The following TMEM39A variants were observed in gnomAD, a reference collection of about 807,000 sequenced individuals.
TMEM39A encodes suppressor of SQST-1 aggregates in rpl-43 mutants.
A neutral mutation model predicts 51.9 loss-of-function variants in TMEM39A; 19 were observed. The ratio of observed to expected loss-of-function variants is 0.37; its 90% CI spans 0.26 to 0.54. The LOEUF is 0.54. Ranked by LOEUF, TMEM39A falls within the 20% of genes least tolerant of loss-of-function variation. The probability of loss-of-function intolerance (pLI) is 0.88; values close to 1 mark genes in which losing one functional copy is unlikely to be tolerated. For synonymous variants in TMEM39A, 197 were observed against 220.2 expected (o/e 0.89, Z 0.93); for missense variants, 433 against 590.5 (o/e 0.73, Z 2.76).
intron 4 of TMEM39A, among the ~76,000 whole-genome samples, chr3:119,449,765 T>G (rs1412132930): frequency 6.6e-6 from 1 of 151,908 alleles, no homozygotes; most frequent in Non-Finnish European, 1.5e-5. Context: ...AAAAAGAGAG[T>G]TGCTTCAGGT....
chr3:119,453,508 C>A (rs555164359), intron 3 of TMEM39A, among the ~76,000 whole-genome samples: 1 of 152,362 alleles, frequency 6.6e-6, no homozygotes, highest in Non-Finnish European at 1.5e-5. Flanking sequence ...CTTGCAAAAA[C>A]TACTTTTAGC....
chr3:119,434,138 T>C (rs1439197911), intron 8 of TMEM39A, among the ~76,000 whole-genome samples: 1 of 152,188 alleles, frequency 6.6e-6, no homozygotes, highest in Non-Finnish European at 1.5e-5. Flanking sequence ...CTTTCTTTTA[T>C]AAGTATATAC....
At chr3:119,438,981 T>C (rs952136271) in intron 5 of TMEM39A, among the ~76,000 whole-genome samples, 1 of 152,206 alleles carries the variant, frequency 6.6e-6, no homozygotes, top group African/African-American at 2.4e-5. Context: ...CGTAATTAAT[T>C]CACTGCTGTA....
At chr3:119,457,438 T>C (rs1162115895) in intron 3 of TMEM39A, among the ~76,000 whole-genome samples, 1 of 152,204 alleles carries the variant, frequency 6.6e-6, no homozygotes, top group African/African-American at 2.4e-5. Context: ...CTCTTGTAAT[T>C]AGGAGTGGAC....
At chr3:119,461,267 T>C (rs769482126) in intron 2 of TMEM39A, among the ~76,000 whole-genome samples, 4 of 151,828 alleles carry the variant, frequency 2.6e-5, no homozygotes, top group Non-Finnish European at 5.9e-5. Flanking sequence ...TTTTAAAGAT[T>C]GGGTGGAAGA....
intron 2 of TMEM39A, 138 bp from the exon 3 acceptor site, chr3:119,458,378 C>G (rs921673239): frequency 1.5e-6 from 1 of 673,928 alleles, no homozygotes; most frequent in Non-Finnish European, 2.5e-6. Flanking sequence ...ATCCTCTTTT[C>G]TCCCTCCACA....
chr3:119,447,682 T>C (rs2081146269), intron 4 of TMEM39A, among the ~76,000 whole-genome samples: 1 of 152,152 alleles, frequency 6.6e-6, no homozygotes, highest in African/African-American at 2.4e-5. Context: ...TGGAGTGCAG[T>C]GGCACAATCT....
chr3:119,436,829 C>A lies in TMEM39A; in HGVS notation c.1074G>T (p.Lys358Asn). 1 of 1,613,970 alleles carries A rather than the reference C, an allele frequency of 6.2e-7. No homozygotes were observed. The highest frequency in any genetic ancestry group is 8.5e-7 in the Non-Finnish European group (1 of 1,179,892). The change falls in exon 7 of 9, where the codon AAG (lysine) becomes AAT (asparagine). Residue 358 changes from lysine (K) to asparagine (N), a missense_variant. By Grantham distance (94) the Lys-to-Asn change is moderately conservative. Around this residue, in one of 3 missense-constraint regions of TMEM39A, gnomAD observed 223 missense variants for 328.1 expected, o/e 0.68. Transcript: ENST00000319172. Reference sequence around the variant, plus strand: ...CATTGCTGTAGGACCCATGTTCCAACTTCTGCCACTTGCCCAGGTGAGCAG... The same window carrying A: ...CATTGCTGTAGGACCCATGTTCCAAATTCTGCCACTTGCCCAGGTGAGCAG... ...KSAAHLGKWQ[K>N]LEHGSYSNAP...
chr3:119,430,801 A>T lies in TMEM39A; in HGVS notation c.*1180T>A, dbSNP rs900485928. ...ACGACATGATTGGTCTTTTTACTTC[A>T]TAAGTCTTATTTTGTTTCACCAAAA... On this transcript the variant is annotated 3_prime_UTR_variant, in exon 9 of 9. Transcript: ENST00000319172. 1 of 152,116 alleles carries T rather than the reference A, an allele frequency of 6.6e-6. No homozygotes were observed. Among genetic ancestry groups the T allele is most frequent in the African/African-American group, 2.4e-5 (1 of 41,432 alleles). The allele number at this position is 152,116 out of a possible 1,614,324, so 9.4% of individuals were successfully genotyped here.
intron 3 of TMEM39A, among the ~76,000 whole-genome samples, chr3:119,454,540 C>A (rs1026315433): frequency 1.3e-5 from 2 of 152,212 alleles, no homozygotes; most frequent in Middle Eastern, 3.4e-3. Context: ...GCCTGTAATC[C>A]CAGTAATTTG....
intron 3 of TMEM39A, among the ~76,000 whole-genome samples, chr3:119,454,825 T>TTTC (rs2081244413): frequency 6.6e-6 from 1 of 152,154 alleles, no homozygotes; most frequent in Non-Finnish European, 1.5e-5. Context: ...CTAATACATC[T>TTTC]TTTTGTTAAG....
intron 4 of TMEM39A, among the ~76,000 whole-genome samples, chr3:119,449,995 G>T (rs1023555772): frequency 2.0e-5 from 3 of 152,132 alleles, no homozygotes; most frequent in African/African-American, 7.2e-5. Flanking sequence ...GATCCTTTCT[G>T]TGATATATGC....
At chr3:119,441,167 A>G (rs563440947) in intron 5 of TMEM39A, among the ~76,000 whole-genome samples, 68 of 152,308 alleles carry the variant, frequency 4.5e-4, no homozygotes, top group African/African-American at 1.6e-3. Flanking sequence ...AATAAGGCCA[A>G]CTAATAACCC....
rs115622709 is a variant in TMEM39A at position 119,456,787 on chromosome 3, G to A, written c.336+1231C>T. ...GCCCAGTTAATTTTGTTTATTTTTT[G>A]TAGAGACAAGGTCTCACTATGTTGC... On this transcript the variant is annotated intron_variant, in intron 3 of 8. Coordinates refer to ENST00000319172, the MANE Select transcript of TMEM39A (RefSeq NM_018266.3). Among the ~76,000 whole-genome samples, 432 of 152,236 alleles carry A rather than the reference G, an allele frequency of 2.8e-3. 2 individuals are homozygous for A. The highest frequency in any genetic ancestry group is 9.9e-3 in the African/African-American group (410 of 41,532).
rs758397001 is a variant in TMEM39A, at chr3:119,432,015, T to C, written c.1433A>G (p.Tyr478Cys). 2 of 1,612,438 alleles carry C rather than the reference T, an allele frequency of 1.2e-6. No homozygotes were observed. Among genetic ancestry groups the C allele is most frequent in the East Asian group, 4.5e-5 (2 of 44,850 alleles). Reference protein sequence around the residue: ...DRIVLGRAYSYPLNSYELKAN With the variant: ...DRIVLGRAYSCPLNSYELKAN ...CTTGAGTTCATAACTGTTGAGTGGG[T>C]AGGAGTATGCCCTGCCTAATACTAT... is the stretch of plus-strand genomic sequence containing the variant. The change falls in exon 9 of 9, where the codon TAC becomes TGC. Residue 478 changes from tyrosine to cysteine, a missense_variant. Transcript: ENST00000319172.
chr3:119,452,021 C>T (rs1453036745), intron 4 of TMEM39A, among the ~76,000 whole-genome samples: 1 of 152,000 alleles, frequency 6.6e-6, no homozygotes, highest in East Asian at 1.9e-4. Context: ...TTCTAAGAAA[C>T]TCAAATAAAT....
rs1383036971 is a variant in TMEM39A, at chr3:119,462,016, G to C, written c.59C>G (p.Ser20Cys). ...GCCTCCACCAACCAAAGTCTGCAAAGAAGGTAAAGCTGAACGGCTTAGCTG... is the reference window on the plus strand; with the variant it reads ...GCCTCCACCAACCAAAGTCTGCAAACAAGGTAAAGCTGAACGGCTTAGCTG... ...RQQLSRSALP[S>C]LQTLVGGGCG... Residue 20 changes from serine (S) to cysteine (C), a missense_variant, in exon 2 of 9, where the codon TCT becomes TGT. Ser to Cys is a moderately radical substitution (Grantham distance 112). Coordinates refer to ENST00000319172, the MANE Select transcript of TMEM39A (RefSeq NM_018266.3). 1.9e-6 allele frequency: 3 copies of C among 1,614,180 alleles called. No individual in the cohort carries two copies. The highest frequency in any genetic ancestry group is 2.5e-6 in the Non-Finnish European group (3 of 1,180,020).
At chr3:119,440,123 G>C (rs1050703767) in intron 5 of TMEM39A, among the ~76,000 whole-genome samples, 9 of 152,160 alleles carry the variant, frequency 5.9e-5, no homozygotes, top group Non-Finnish European at 1.5e-5. Context: ...GATGGCTAGA[G>C]CAGGTCATCA....
intron 7 of TMEM39A, chr3:119,435,833 G>A: frequency 3.1e-6 from 4 of 1,288,672 alleles, no homozygotes; most frequent in Non-Finnish European, 4.0e-6. Flanking sequence ...ACTGTGGATT[G>A]TATTTTCAAT....
Sources: gnomAD v4.1 joint callset for allele counts (sites outside exome capture counted in the v4.1 genomes callset) on GRCh38, gnomAD v4.1.1 for gene constraint, gnomAD v4.1.1 regional missense constraint, MANE v1.5 for transcripts, NCBI Gene and HGNC (gene_info 2026-07-23, HGNC 2026-07-21) for gene names.